Variants in LCP2 observed in about 807,000 individuals in gnomAD.
LCP2 encodes lymphocyte cytosolic protein 2.
In LCP2, 29 loss-of-function variants were observed where a neutral mutation model predicts 74.5. That is an observed-to-expected ratio of 0.39 (90% confidence interval 0.29 to 0.53). The LOEUF is 0.53. Ranked by LOEUF, LCP2 falls within the 20% of genes least tolerant of loss-of-function variation. The pLI is 0.72. For missense variants in LCP2, 604 were observed against 634.6 expected (o/e 0.95, Z 0.52); for synonymous variants, 228 against 229.5 (o/e 0.99, Z 0.06).
intron 3 of LCP2, among the ~76,000 whole-genome samples, chr5:170,286,719 C>G (rs148480534): frequency 3.7e-4 from 57 of 152,362 alleles, no homozygotes; most frequent in African/African-American, 1.3e-3. Context: ...TTCCCTCCCC[C>G]TTCCGGACAA....
At chr5:170,272,828 G>A (rs547354568) in intron 6 of LCP2, among the ~76,000 whole-genome samples, 1 of 151,452 alleles carries the variant, frequency 6.6e-6, no homozygotes, top group South Asian at 2.1e-4. Flanking sequence ...TGACCAGGAT[G>A]GTCTCGATCT....
intron 13 of LCP2, among the ~76,000 whole-genome samples, chr5:170,261,992 C>T (rs894796913): frequency 6.6e-6 from 1 of 152,136 alleles, no homozygotes; most frequent in African/African-American, 2.4e-5. Flanking sequence ...CACACTTTAG[C>T]CCTGGTCCTA....
chr5:170,255,917 T>A (rs1349460596), intron 17 of LCP2, among the ~76,000 whole-genome samples: 2 of 152,168 alleles, frequency 1.3e-5, no homozygotes, highest in Non-Finnish European at 2.9e-5. Flanking sequence ...AAAACACAGG[T>A]CCCTGACTTC....
intron 3 of LCP2, among the ~76,000 whole-genome samples, chr5:170,281,549 G>T (rs985033667): frequency 6.6e-6 from 1 of 152,318 alleles, no homozygotes; most frequent in Non-Finnish European, 1.5e-5. Context: ...CAAAGTGCTG[G>T]GATTACAGGC....
At chr5:170,253,085 G>T in intron 18 of LCP2, 34 bp downstream of exon 18, 1 of 1,383,362 alleles carries the variant, frequency 7.2e-7, no homozygotes. Context: ...CAGGGAAAAG[G>T]CAAACAAACA....
rs147357408 is a variant in LCP2, at chr5:170,258,236, C to G, written c.971-70G>C. The G allele has an allele frequency of 4.5e-4, 694 of 1,536,660 alleles. 5 individuals carry two copies. The African/African-American group carries it at 8.5e-3, about 19-fold the overall frequency. On this transcript the variant is annotated intron_variant, in intron 15 of 20. Transcript: ENST00000046794. The stretch of plus-strand genomic sequence containing the variant: ...CTGTCACTAAGAAACATTCCATAAC[C>G]GCCCCCCAGTTAGAAACAGCTAGTA...
rs551581303 is a variant in LCP2 at position 170,272,162 on chromosome 5, C to T, written c.325-1245G>A. ...TGACCCTTTCCTCACCCTGTCTACC[C>T]TAGGCCCATCATTCCTGACTTTACA... is the stretch of plus-strand genomic sequence containing the variant. On this transcript the variant is annotated intron_variant, in intron 6 of 20. Coordinates refer to ENST00000046794, the MANE Select transcript of LCP2 (RefSeq NM_005565.5). Among the ~76,000 whole-genome samples the T allele has an allele frequency of 5.9e-5, 9 of 152,304 alleles. No homozygotes were observed. In the South Asian group the frequency reaches 1.9e-3, roughly 32 times the overall value.
intron 19 of LCP2, 99 bp from the exon 20 acceptor site, chr5:170,250,984 G>A: frequency 3.3e-6 from 3 of 921,854 alleles, no homozygotes; most frequent in South Asian, 3.2e-5. Context: ...TGACAAACAT[G>A]TCAGTTGCAC....
chr5:170,269,674 G>A (rs753436389), intron 7 of LCP2, among the ~76,000 whole-genome samples: 9 of 152,180 alleles, frequency 5.9e-5, no homozygotes, highest in Non-Finnish European at 8.8e-5. Flanking sequence ...GCTTGTCTTC[G>A]TGCCTCTGTA....
In LCP2 at chr5:170,255,119, A is replaced by G. The variant is rs112274832; in HGVS notation, c.1150+1407T>C. 1.8e-4 allele frequency among the ~76,000 whole-genome samples: 28 copies of G among 152,324 alleles called. 1 individual carries two copies. The highest frequency in any genetic ancestry group is 6.3e-4 in the African/African-American group (26 of 41,576). On this transcript the variant is annotated intron_variant, in intron 17 of 20. Transcript: ENST00000046794. ...GGCTACAGAGGCAAGGAGGTAACAC[A>G]AATGTGTGTTTGCAAAACACAGAGA...
rs1236863142 is a variant in LCP2, at chr5:170,266,804, C to A, written c.772+4G>T. The A allele has an allele frequency of 9.3e-6, 15 of 1,610,494 alleles. No homozygotes were observed. Among genetic ancestry groups the A allele is most frequent in the Non-Finnish European group, 1.3e-5 (15 of 1,176,908 alleles). ...ACTATGCATTAAATGTGAATCATAC[C>A]CACCTAGTGTGAAGGGTTCTCTATC... On this transcript the variant is annotated splice_donor_region_variant and intron_variant, in intron 10 of 20. Transcript: ENST00000046794.
At chr5:170,253,266 G>T in intron 17 of LCP2, 53 bp from the exon 18 acceptor site, 2 of 1,285,526 alleles carry the variant, frequency 1.6e-6, no homozygotes, top group Non-Finnish European at 2.2e-6. Flanking sequence ...ATTGTTTGCT[G>T]CTATCAAAAC....
intron 16 of LCP2, among the ~76,000 whole-genome samples, chr5:170,257,727 A>ATTG (rs1761580841): frequency 6.6e-6 from 1 of 152,020 alleles, no homozygotes; most frequent in Non-Finnish European, 1.5e-5. Context: ...TTTCTTAATT[A>ATTG]TTGTTGTTTG....
At chr5:170,287,941 A>G in intron 3 of LCP2, 29 bp downstream of exon 3, 1 of 1,606,564 alleles carries the variant, frequency 6.2e-7, no homozygotes. Flanking sequence ...CTGCTCCCAG[A>G]TCACCCATAG....
chr5:170,297,662 A>G lies in LCP2; in HGVS notation c.-51T>C. 1.3e-6 allele frequency: 2 copies of G among 1,500,230 alleles called. No individual in the cohort carries two copies. The highest frequency in any genetic ancestry group is 2.0e-5 in the Admixed American group (1 of 51,192). The allele number at this position is 1,500,230 out of a possible 1,614,324, so 92.9% of individuals were successfully genotyped here. On this transcript the variant is annotated 5_prime_UTR_variant, in exon 1 of 21. It removes an upstream start codon present in the reference 5' UTR. Coordinates refer to ENST00000046794, the MANE Select transcript of LCP2 (RefSeq NM_005565.5). ...CAAGCTGAGCATGGGCGCTTCACCC[A>G]TGGGCAGAGAAGCTCAAATCCAGAG... is the stretch of plus-strand genomic sequence containing the variant.
In LCP2 at chr5:170,267,012, T is replaced by G; in HGVS notation, c.685A>C (p.Lys229Gln). Residue 229 changes from lysine (K) to glutamine (Q), a missense_variant, in exon 9 of 21, where the codon AAG becomes CAG. Lys to Gln is a moderately conservative substitution (Grantham distance 53). Coordinates refer to ENST00000046794, the MANE Select transcript of LCP2 (RefSeq NM_005565.5). ...AGAGAGCAGCCCTTGTACTCACGCTTTGCCGTTTTGTGGTTTCTGCTTCTG... is the reference window on the plus strand; with the variant it reads ...AGAGAGCAGCCCTTGTACTCACGCTGTGCCGTTTTGTGGTTTCTGCTTCTG... Reference protein sequence around the residue: ...PSRSRNHKTAKLPAPSIDRST... With the variant: ...PSRSRNHKTAQLPAPSIDRST... The G allele has an allele frequency of 6.2e-7, 1 of 1,613,990 alleles. No homozygotes were observed. The highest frequency in any genetic ancestry group is 8.5e-7 in the Non-Finnish European group (1 of 1,179,892).
At chr5:170,257,949 C>T in intron 16 of LCP2, 88 bp downstream of exon 16, 1 of 1,447,208 alleles carries the variant, frequency 6.9e-7, no homozygotes, top group South Asian at 1.2e-5. Context: ...CCGTCATTTC[C>T]TTCTTTCTCA....
Position 170,293,357 on chromosome 5 carries a change from A to C in LCP2, c.94T>G (p.Cys32Gly). Residue 32 changes from cysteine to glycine, a missense_variant, in exon 2 of 21, where the codon TGT becomes GGT. By Grantham distance (159) the Cys-to-Gly change is radical (BLOSUM62 -3). Transcript: ENST00000046794. ...DYFKKLNYKD[C>G]EKAVKKYHID... is the part of the protein sequence containing the mutation. Reference sequence around the variant, plus strand: ...TGGTACTTCTTCACTGCCTTCTCACAGTCCTTATAGTTGAGCTGCAAAGAG... The same window carrying C: ...TGGTACTTCTTCACTGCCTTCTCACCGTCCTTATAGTTGAGCTGCAAAGAG... The C allele has an allele frequency of 6.2e-7, 1 of 1,600,558 alleles. No homozygotes were observed. The highest frequency in any genetic ancestry group is 2.2e-5 in the East Asian group (1 of 44,498).
At position 170,262,954 on chromosome 5, in the gene LCP2, G is replaced by A. The variant is rs1761686890; in HGVS notation, c.798+13C>T. 2 of 1,613,864 alleles carry A rather than the reference G, an allele frequency of 1.2e-6. No individual in the cohort carries two copies. The highest frequency in any genetic ancestry group is 1.3e-5 in the African/African-American group (1 of 74,918). Reference sequence around the variant, plus strand: ...ACAAACAAACACAACCAAAAAACAAGTTCACAGCTTACCTTGTCAGAAAAT... The same window carrying A: ...ACAAACAAACACAACCAAAAAACAAATTCACAGCTTACCTTGTCAGAAAAT... On this transcript the variant is annotated intron_variant, in intron 11 of 20. Transcript: ENST00000046794.
Sources: allele counts gnomAD v4.1 joint callset (sites outside exome capture counted in the v4.1 genomes callset), GRCh38; gene constraint gnomAD v4.1.1; transcripts MANE v1.5; gene names NCBI Gene and HGNC (gene_info 2026-07-23, HGNC 2026-07-21).